Variants in PPM1A observed in about 807,000 individuals in gnomAD.
PPM1A encodes the protein protein phosphatase, Mg2+/Mn2+ dependent 1A, also known as protein phosphatase 1A.
PPM1A carries 7 observed loss-of-function variants against 35.0 expected under a neutral mutation model. The observed-to-expected ratio is 0.20, with a 90% CI of 0.11 to 0.38. The LOEUF (loss-of-function observed/expected upper bound fraction) is 0.38, where lower values mean the gene tolerates loss of function less well. PPM1A is among the 10% of genes least tolerant of loss of function. PPM1A has a pLI of 1.00. For synonymous variants in PPM1A, 153 were observed against 167.3 expected, an observed-to-expected ratio of 0.91 and a Z score of 0.66; for missense variants, 239 against 467.8, an observed-to-expected ratio of 0.51 and a Z score of 4.51.
rs1595247004 is a variant in PPM1A, at chr14:60,249,768, G to A, written c.-21+91G>A. ...GGGCAGGCCTGGGGCCTGTAAACAA[G>A]CCGGGCGTCTGCCCGGGCGCTCCCG... On this transcript the variant is annotated intron_variant, in intron 1 of 5. Coordinates refer to ENST00000395076, the MANE Select transcript of PPM1A (RefSeq NM_021003.5). This position sits in a 1 kb window ranked among gnomAD's most constrained non-coding sequence, Gnocchi z 4.5. 3 of 836,428 alleles carry A rather than the reference G, an allele frequency of 3.6e-6. No homozygotes were observed. Among genetic ancestry groups the A allele is most frequent in the East Asian group, 2.5e-4 (2 of 8,084 alleles). The allele number at this position is 836,428 out of a possible 1,614,324, so 51.8% of individuals were successfully genotyped here.
chr14:60,283,634 G>T lies in PPM1A; in HGVS notation c.834+97G>T. 7.8e-7 allele frequency: 1 copy of T among 1,278,806 alleles called. No individual in the cohort carries two copies. The highest frequency in any genetic ancestry group is 1.1e-6 in the Non-Finnish European group (1 of 938,516). 79.2% of individuals were successfully genotyped at this position (1,278,806 alleles called of 1,614,324 possible). A position where few individuals can be genotyped will look rare whatever the true frequency, so the allele number is the denominator to read the frequency against. ...CTTAGAATCTGTAATTCTGAAACCA[G>T]TTTTTGGCACAACTGTAGGATACTG... On this transcript the variant is annotated intron_variant, in intron 2 of 5. Coordinates refer to ENST00000395076, the MANE Select transcript of PPM1A (RefSeq NM_021003.5). This position sits in a 1 kb window ranked among gnomAD's most constrained non-coding sequence, Gnocchi z 6.3.
intron 1 of PPM1A, among the ~76,000 whole-genome samples, chr14:60,262,984 T>C (rs1398283095): frequency 6.6e-6 from 1 of 152,144 alleles, no homozygotes; most frequent in African/African-American, 2.4e-5. Flanking sequence ...CCTAGCACTT[T>C]GGGAGGCTTA....
chr14:60,285,596 A>G, intron 2 of PPM1A, 28 bp from the exon 3 acceptor site: 1 of 1,609,874 alleles, frequency 6.2e-7, no homozygotes, highest in Non-Finnish European at 8.5e-7. Context: ...AAGAAAACTA[A>G]AATATTCTCA....
rs749297657 is a variant in PPM1A, at chr14:60,291,403, T to C, written c.1068T>C (p.Asn356=). 1.3e-6 allele frequency: 2 copies of C among 1,566,256 alleles called. No individual in the cohort carries two copies. Among genetic ancestry groups the C allele is most frequent in the South Asian group, 2.4e-5 (2 of 84,146 alleles). The change falls in exon 5 of 6, where the codon AAT becomes AAC. Residue 356 remains asparagine (N), a synonymous_variant. Coordinates refer to ENST00000395076, the MANE Select transcript of PPM1A (RefSeq NM_021003.5). ...PPGGELASKR[N]VIEAVYNRLN... is the part of the protein sequence containing the mutation. ...TGCATTTTTTTACACTTAGGAGGAA[T>C]GTTATTGAAGCCGTTTACAATAGAC...
upstream of PPM1A, chr14:60,249,144 G>A: frequency 1.2e-6 from 1 of 837,062 alleles, no homozygotes; most frequent in Non-Finnish European, 1.4e-6. The surrounding 1 kb of genome is among the most constrained non-coding windows in gnomAD (Gnocchi z 4.5). Flanking sequence ...AGCGGCGGCG[G>A]AGCCAGCGGG....
At chr14:60,268,286 G>A (rs775923768) in intron 1 of PPM1A, 1 of 982,454 alleles carries the variant, frequency 1.0e-6, no homozygotes, top group Non-Finnish European at 1.2e-6. Context: ...TTCTCATATT[G>A]TTCCAGGTTT....
rs11848262 is a variant in PPM1A, at chr14:60,292,870, A to G, written c.*388A>G. 5.9e-4 allele frequency: 96 copies of G among 162,718 alleles called. No homozygotes were observed. Among genetic ancestry groups the G allele is most frequent in the African/African-American group, 2.1e-3 (88 of 41,938 alleles). The allele number at this position is 162,718 out of a possible 1,614,324, so 10.1% of individuals were successfully genotyped here. ...GCTTATTGTGTGATGCAACAGATAT[A>G]TAGCCCTTTCAAGTCATGTTGTGTT... On this transcript the variant is annotated 3_prime_UTR_variant, in exon 6 of 6. Coordinates refer to ENST00000395076, the MANE Select transcript of PPM1A (RefSeq NM_021003.5). This position sits in a 1 kb window ranked among gnomAD's most constrained non-coding sequence, Gnocchi z 4.2.
intron 1 of PPM1A, among the ~76,000 whole-genome samples, chr14:60,263,389 A>G (rs1284449718): frequency 1.3e-5 from 2 of 151,808 alleles, no homozygotes; most frequent in Non-Finnish European, 2.9e-5. Context: ...ACTTTTATGT[A>G]TTTACTTATT....
chr14:60,287,348 C>T (rs1428148579), intron 3 of PPM1A: 3 of 983,290 alleles, frequency 3.1e-6, no homozygotes, highest in African/African-American at 3.5e-5. Context: ...TGTTATTATA[C>T]TTGTACCATT....
chr14:60,278,590 G>A (rs1886034543), intron 1 of PPM1A, among the ~76,000 whole-genome samples: 1 of 152,090 alleles, frequency 6.6e-6, no homozygotes, highest in Non-Finnish European at 1.5e-5. Flanking sequence ...CTAGTCATTC[G>A]ACAAAGATTG....
At chr14:60,276,844 T>A (rs1885819533) in intron 1 of PPM1A, among the ~76,000 whole-genome samples, 1 of 152,160 alleles carries the variant, frequency 6.6e-6, no homozygotes, top group Admixed American at 6.5e-5. Flanking sequence ...TGAGTTCACC[T>A]TTGCTTAATA....
chr14:60,273,385 T>C lies in PPM1A; in HGVS notation c.-20-9299T>C, dbSNP rs1277092028. Among the ~76,000 whole-genome samples, 1 of 152,020 alleles carries C rather than the reference T, an allele frequency of 6.6e-6. No homozygotes were observed. Among genetic ancestry groups the C allele is most frequent in the Non-Finnish European group, 1.5e-5 (1 of 67,994 alleles). ...TGGAGGAAGGAAGTATGATGAGTACTAGGTACTGTAAGAAAACCCTTGTGG... is the reference window on the plus strand; with the variant it reads ...TGGAGGAAGGAAGTATGATGAGTACCAGGTACTGTAAGAAAACCCTTGTGG... On this transcript the variant is annotated intron_variant, in intron 1 of 5. Transcript: ENST00000395076. The surrounding 1 kb of genome is among the most constrained non-coding windows in gnomAD (Gnocchi z 4.3).
At chr14:60,279,284 A>G (rs527869815) in intron 1 of PPM1A, among the ~76,000 whole-genome samples, 1 of 152,224 alleles carries the variant, frequency 6.6e-6, no homozygotes, top group African/African-American at 2.4e-5. Context: ...ACACCCGGCT[A>G]ATTTTTTGTA....
In PPM1A at chr14:60,273,659, G is replaced by A. The variant is rs541360936; in HGVS notation, c.-20-9025G>A. 1.3e-5 allele frequency among the ~76,000 whole-genome samples: 2 copies of A among 152,286 alleles called. No homozygotes were observed. Among genetic ancestry groups the A allele is most frequent in the South Asian group, 2.1e-4 (1 of 4,826 alleles). Reference sequence around the variant, plus strand: ...GAATTAGAGGGATGCCAGGATCCACGTGAAGAGACTAAAGACGCTAGTATT... The same window carrying A: ...GAATTAGAGGGATGCCAGGATCCACATGAAGAGACTAAAGACGCTAGTATT... On this transcript the variant is annotated intron_variant, in intron 1 of 5. Transcript: ENST00000395076. The surrounding 1 kb of genome is among the most constrained non-coding windows in gnomAD (Gnocchi z 4.3).
chr14:60,284,362 C>T (rs558471785), intron 2 of PPM1A, among the ~76,000 whole-genome samples: 4 of 152,164 alleles, frequency 2.6e-5, no homozygotes, highest in Non-Finnish European at 5.9e-5. Flanking sequence ...AAGACTGTTG[C>T]CGGGCGCGGT....
chr14:60,251,703 C>T (rs1439232015), intron 1 of PPM1A, among the ~76,000 whole-genome samples: 1 of 152,092 alleles, frequency 6.6e-6, no homozygotes, highest in Non-Finnish European at 1.5e-5. Flanking sequence ...TTTCAGTGTT[C>T]TAAGGCTGGA....
Position 60,282,566 on chromosome 14 carries a change from G to GTC in PPM1A, c.-20-116_-20-115dup. On this transcript the variant is annotated intron_variant, in intron 1 of 5. Transcript: ENST00000395076. This position sits in a 1 kb window ranked among gnomAD's most constrained non-coding sequence, Gnocchi z 5.1. ...ATTCCAAGTCAGCAACACAATGAAT[G>GTC]TCTGCTTATCGCGAGTTGTGAATTC... 7.8e-7 allele frequency: 1 copy of GTC among 1,274,700 alleles called. No individual in the cohort carries two copies. The allele number at this position is 1,274,700 out of a possible 1,614,324, so 79.0% of individuals were successfully genotyped here.
chr14:60,277,637 C>A (rs1595341656), intron 1 of PPM1A, among the ~76,000 whole-genome samples: 1 of 152,250 alleles, frequency 6.6e-6, no homozygotes, highest in South Asian at 2.1e-4. Context: ...AAAATAACTA[C>A]TGTACTTCTT....
At chr14:60,263,844 C>CTT (rs1884062052) in intron 1 of PPM1A, among the ~76,000 whole-genome samples, 1 of 151,932 alleles carries the variant, frequency 6.6e-6, no homozygotes, top group Non-Finnish European at 1.5e-5. Context: ...GGAAGTTGTA[C>CTT]TTAAGGTAGT....
Sources: gnomAD v4.1 joint callset for allele counts (sites outside exome capture counted in the v4.1 genomes callset) on GRCh38, gnomAD v4.1.1 for gene constraint, Gnocchi (gnomAD v3.1) non-coding constraint, MANE v1.5 for transcripts, NCBI Gene and HGNC (gene_info 2026-07-23, HGNC 2026-07-21) for gene names.